Variants in ADORA2A observed in about 807,000 individuals in gnomAD.
ADORA2A encodes the protein adenosine receptor A2a.
Under a neutral mutation model 18.4 loss-of-function variants are expected in ADORA2A, and 11 were observed. The observed-to-expected ratio is 0.60, with a 90% confidence interval of 0.38 to 0.99. ADORA2A has a LOEUF of 0.99. Ranked by LOEUF, ADORA2A falls within the 50% of genes least tolerant of loss-of-function variation. The probability of loss-of-function intolerance (pLI) is 0.01; values close to 1 mark genes in which losing one functional copy is unlikely to be tolerated. For missense variants in ADORA2A, 449 were observed against 556.1 expected (o/e 0.81, Z 1.94); for synonymous variants, 218 against 237.3 (o/e 0.92, Z 0.75).
At chr22:24,430,089 T>C (rs1339903629) in intron 1 of ADORA2A, 1 of 152,402 alleles carries the variant, frequency 6.6e-6, no homozygotes, top group Non-Finnish European at 1.5e-5. Context: ...TCTTCCCCTG[T>C]CTGCCCCAAA....
chr22:24,433,757 A>G, intron 2 of ADORA2A, 21 bp downstream of exon 2: 1 of 1,594,632 alleles, frequency 6.3e-7, no homozygotes, highest in Non-Finnish European at 8.5e-7. Flanking sequence ...CCGGGGTTAC[A>G]TCTGTGCAAA....
At chr22:24,434,231 C>T (rs1005504303) in intron 2 of ADORA2A, among the ~76,000 whole-genome samples, 1 of 152,204 alleles carries the variant, frequency 6.6e-6, no homozygotes, top group Non-Finnish European at 1.5e-5. Flanking sequence ...CTGGGCCAGC[C>T]TTGCAGTGTG....
intron 1 of ADORA2A, chr22:24,432,073 C>T (rs573478878): frequency 5.8e-5 from 9 of 155,026 alleles, no homozygotes; most frequent in African/African-American, 2.2e-4. Flanking sequence ...ACCAAACTCC[C>T]GTTAGTCATT....
At chr22:24,425,459 C>G (rs1338849240), upstream of ADORA2A, among the ~76,000 whole-genome samples, 1 of 152,076 alleles carries the variant, frequency 6.6e-6, no homozygotes, top group Non-Finnish European at 1.5e-5. Context: ...CTCCCAGCCT[C>G]TCCCTAGTCC....
chr22:24,433,470 G>C lies in ADORA2A; in HGVS notation c.66G>C (p.Leu22=). The C allele has an allele frequency of 3.1e-6, 5 of 1,614,132 alleles. No individual in the cohort carries two copies. Among genetic ancestry groups the C allele is most frequent in the Non-Finnish European group, 4.2e-6 (5 of 1,180,034 alleles). ...TGGCCATTGCTGTGCTGGCCATCCT[G>C]GGCAATGTGCTGGTGTGCTGGGCCG... ...VELAIAVLAI[L]GNVLVCWAVW... Residue 22 remains leucine (L), a synonymous_variant, in exon 2 of 3, where the codon CTG becomes CTC. Transcript: ENST00000337539.
upstream of ADORA2A, among the ~76,000 whole-genome samples, chr22:24,425,350 C>T (rs934962029): frequency 1.4e-5 from 2 of 139,150 alleles, no homozygotes; most frequent in Non-Finnish European, 3.2e-5. Flanking sequence ...CCCCCCCCCC[C>T]CGCCCAACAT....
chr22:24,433,798 C>A, intron 2 of ADORA2A, 62 bp downstream of exon 2: 1 of 1,524,874 alleles, frequency 6.6e-7, no homozygotes, highest in Admixed American at 1.8e-5. Flanking sequence ...TGGTCTGTGC[C>A]CGGAGCCAGG....
At chr22:24,433,803 G>A (rs2043107193) in intron 2 of ADORA2A, 67 bp downstream of exon 2, 2 of 1,502,238 alleles carry the variant, frequency 1.3e-6, no homozygotes, top group Non-Finnish European at 1.8e-6. Context: ...TGTGCCCGGA[G>A]CCAGGGTGAG....
At chr22:24,436,606 T>C (rs2043185568) in intron 2 of ADORA2A, among the ~76,000 whole-genome samples, 2 of 152,142 alleles carry the variant, frequency 1.3e-5, no homozygotes, top group Admixed American at 6.5e-5. Flanking sequence ...TCCCAGGGGA[T>C]TTTTGCCTCA....
chr22:24,431,852 A>G (rs1396363816), intron 1 of ADORA2A, among the ~76,000 whole-genome samples: 2 of 152,328 alleles, frequency 1.3e-5, no homozygotes, highest in East Asian at 3.9e-4. Flanking sequence ...GAGGGGTGTC[A>G]GTAATTCCAT....
At chr22:24,424,156 C>G (rs1206872988), upstream of ADORA2A, among the ~76,000 whole-genome samples, 1 of 151,872 alleles carries the variant, frequency 6.6e-6, no homozygotes, top group Admixed American at 6.6e-5. This position sits in a 1 kb window ranked among gnomAD's most constrained non-coding sequence, Gnocchi z 4.9. Context: ...GCGCGGGGTC[C>G]GAGTCCTGCC....
intron 2 of ADORA2A, 95 bp from the exon 3 acceptor site, chr22:24,440,488 G>T: frequency 7.9e-7 from 1 of 1,266,320 alleles, no homozygotes; most frequent in Non-Finnish European, 1.1e-6. Context: ...TTACAGTCAG[G>T]AAATGTGGAA....
chr22:24,433,761 G>A (rs2043105730), intron 2 of ADORA2A, 25 bp downstream of exon 2: 6 of 1,587,860 alleles, frequency 3.8e-6, no homozygotes, highest in Non-Finnish European at 5.1e-6. Context: ...GGTTACATCT[G>A]TGCAAAGGCT....
chr22:24,426,315 C>T (rs189976320), upstream of ADORA2A, among the ~76,000 whole-genome samples: 26 of 152,264 alleles, frequency 1.7e-4, no homozygotes, highest in East Asian at 7.7e-4. Context: ...GCCCTGAGCA[C>T]GCAGGAGAGC....
upstream of ADORA2A, among the ~76,000 whole-genome samples, chr22:24,424,153 G>A (rs1445945532): frequency 1.3e-5 from 2 of 152,110 alleles, no homozygotes; most frequent in South Asian, 4.2e-4. The surrounding 1 kb of genome is among the most constrained non-coding windows in gnomAD (Gnocchi z 4.9). Flanking sequence ...CCGGCGCGGG[G>A]TCCGAGTCCT....
chr22:24,430,193 G>A (rs2042995550), intron 1 of ADORA2A: 1 of 152,528 alleles, frequency 6.6e-6, no homozygotes, highest in Admixed American at 6.5e-5. Context: ...GGTTGCCTGT[G>A]GGTCCGGGCA....
chr22:24,426,093 T>C (rs2042916342), upstream of ADORA2A, among the ~76,000 whole-genome samples: 1 of 152,158 alleles, frequency 6.6e-6, no homozygotes, highest in African/African-American at 2.4e-5. Context: ...CTTGAGAGCA[T>C]CACGTCCTGC....
intron 2 of ADORA2A, among the ~76,000 whole-genome samples, chr22:24,434,540 C>T (rs1288407011): frequency 6.6e-6 from 1 of 152,240 alleles, no homozygotes; most frequent in Non-Finnish European, 1.5e-5. Context: ...CCCTTGGGGA[C>T]GTCAGAGGCC....
intron 1 of ADORA2A, among the ~76,000 whole-genome samples, chr22:24,428,927 G>A (rs888221161): frequency 6.6e-6 from 1 of 152,234 alleles, no homozygotes; most frequent in African/African-American, 2.4e-5. Context: ...CCTGGTGGAG[G>A]TACTTGGTAA....
Sources: gnomAD v4.1 joint callset for allele counts (sites outside exome capture counted in the v4.1 genomes callset) on GRCh38, gnomAD v4.1.1 for gene constraint, Gnocchi (gnomAD v3.1) non-coding constraint, MANE v1.5 for transcripts, NCBI Gene and HGNC (gene_info 2026-07-23, HGNC 2026-07-21) for gene names.